PAPPA2: variants seen among roughly 807,000 people sequenced by gnomAD.
PAPPA2 encodes pappalysin-2.
PAPPA2 carries 86 observed loss-of-function variants against 176.4 expected under a neutral mutation model. The observed-to-expected ratio is 0.49, with a 90% CI of 0.41 to 0.58. The LOEUF is 0.58. PAPPA2 is among the 20% of genes least tolerant of loss of function. The pLI is 0.00. For missense variants in PAPPA2, 2,073 were observed against 2,256.9 expected (o/e 0.92, Z 1.65); for synonymous variants, 809 against 852.2 (o/e 0.95, Z 0.88).
intron 1 of PAPPA2, among the ~76,000 whole-genome samples, chr1:176,551,823 G>A (rs529975705): frequency 4.6e-5 from 7 of 152,124 alleles, no homozygotes; most frequent in Non-Finnish European, 8.8e-5. Context: ...GTTTCTTTAG[G>A]GGGGTGGGTG....
At chr1:176,589,169 A>G (rs1037141840) in intron 2 of PAPPA2, among the ~76,000 whole-genome samples, 3 of 152,166 alleles carry the variant, frequency 2.0e-5, no homozygotes, top group African/African-American at 7.2e-5. Context: ...AACTCTATCT[A>G]TAGTGTTCAC....
intron 21 of PAPPA2, among the ~76,000 whole-genome samples, chr1:176,821,732 G>A (rs1666674410): frequency 6.6e-6 from 1 of 152,210 alleles, no homozygotes; most frequent in Non-Finnish European, 1.5e-5. Flanking sequence ...ATACATTTAT[G>A]TTCCACTAGT....
intron 3 of PAPPA2, among the ~76,000 whole-genome samples, chr1:176,661,755 C>T (rs1658372898): frequency 1.3e-5 from 2 of 151,962 alleles, no homozygotes; most frequent in Non-Finnish European, 1.5e-5. Flanking sequence ...TCCCTGGGTG[C>T]AAAGGAGCTG....
intron 12 of PAPPA2, among the ~76,000 whole-genome samples, chr1:176,718,623 G>A (rs572801072): frequency 1.9e-4 from 29 of 150,052 alleles, no homozygotes; most frequent in African/African-American, 7.1e-4. Flanking sequence ...TGTTTTCATT[G>A]TGATTTCTTT....
At chr1:176,535,156 C>G (rs566309509) in intron 1 of PAPPA2, among the ~76,000 whole-genome samples, 1 of 152,054 alleles carries the variant, frequency 6.6e-6, no homozygotes, top group Admixed American at 6.6e-5. Flanking sequence ...ATAAAATGTG[C>G]GAAAAAAGTG....
intron 4 of PAPPA2, among the ~76,000 whole-genome samples, chr1:176,688,295 T>C (rs1419566393): frequency 6.6e-6 from 1 of 152,184 alleles, no homozygotes; most frequent in Non-Finnish European, 1.5e-5. Flanking sequence ...TAGAATTATA[T>C]CCACTGATGT....
chr1:176,472,166 A>G (rs1651907420), intron 1 of PAPPA2, among the ~76,000 whole-genome samples: 1 of 152,206 alleles, frequency 6.6e-6, no homozygotes, highest in Non-Finnish European at 1.5e-5. Flanking sequence ...ATCAGTGTTA[A>G]CAATTCATAT....
At position 176,707,922 on chromosome 1, in the gene PAPPA2, C is replaced by T. The variant is rs189266365; in HGVS notation, c.3457+1472C>T. On this transcript the variant is annotated intron_variant, in intron 10 of 22. Coordinates refer to ENST00000367662, the MANE Select transcript of PAPPA2 (RefSeq NM_020318.3). Reference sequence around the variant, plus strand: ...TTTCCAGACCCTTTCTTATTTACCCCAAACTGTCATGCTTCATGTGGTCAG... The same window carrying T: ...TTTCCAGACCCTTTCTTATTTACCCTAAACTGTCATGCTTCATGTGGTCAG... Among the ~76,000 whole-genome samples the T allele has an allele frequency of 5.3e-4, 81 of 152,246 alleles. No homozygotes were observed. In the Middle Eastern group the frequency reaches 0.02, roughly 38 times the overall value.
chr1:176,842,561 G>T lies in PAPPA2; in HGVS notation c.*107G>T. The T allele has an allele frequency of 9.8e-7, 1 of 1,015,278 alleles. No homozygotes were observed. Among genetic ancestry groups the T allele is most frequent in the Non-Finnish European group, 1.5e-6 (1 of 667,866 alleles). 62.9% of individuals were successfully genotyped at this position (1,015,278 alleles called of 1,614,324 possible). A position where few individuals can be genotyped will look rare whatever the true frequency, so the allele number is the denominator to read the frequency against. ...GAAGAAGAACAATCATGAAATGGAAGAAGGAGGAAGAGCATGAAGGATCTT... is the reference window on the plus strand; with the variant it reads ...GAAGAAGAACAATCATGAAATGGAATAAGGAGGAAGAGCATGAAGGATCTT... On this transcript the variant is annotated 3_prime_UTR_variant, in exon 23 of 23. Coordinates refer to ENST00000367662, the MANE Select transcript of PAPPA2 (RefSeq NM_020318.3).
At chr1:176,565,290 G>A (rs1338029272) in intron 2 of PAPPA2, among the ~76,000 whole-genome samples, 1 of 152,062 alleles carries the variant, frequency 6.6e-6, no homozygotes, top group Non-Finnish European at 1.5e-5. Context: ...TGGGTCATAT[G>A]GTTGCTATAT....
intron 20 of PAPPA2, among the ~76,000 whole-genome samples, 190 bp downstream of exon 20, chr1:176,793,859 G>C (rs775301812): frequency 1.3e-5 from 2 of 152,120 alleles, no homozygotes; most frequent in Non-Finnish European, 2.9e-5. Context: ...AAAGATATCC[G>C]CCGAGGTGGG....
intron 12 of PAPPA2, among the ~76,000 whole-genome samples, chr1:176,733,841 C>T (rs1247646020): frequency 6.6e-6 from 1 of 152,068 alleles, no homozygotes; most frequent in Non-Finnish European, 1.5e-5. Context: ...TAGCATTGAA[C>T]AGACAAAGGA....
At chr1:176,680,783 C>T (rs758417367) in intron 4 of PAPPA2, among the ~76,000 whole-genome samples, 71 of 152,036 alleles carry the variant, frequency 4.7e-4, no homozygotes, top group African/African-American at 1.6e-3. Context: ...AAATGTGGCT[C>T]CCCCAACCCC....
intron 1 of PAPPA2, among the ~76,000 whole-genome samples, chr1:176,479,509 G>C (rs1010195529): frequency 5.3e-5 from 8 of 152,204 alleles, no homozygotes; most frequent in African/African-American, 1.9e-4. Flanking sequence ...TTAGAGGACT[G>C]CCTTGGGAAG....
At chr1:176,623,740 CT>C (rs1655814244) in intron 3 of PAPPA2, among the ~76,000 whole-genome samples, 2 of 92,298 alleles carry the variant, frequency 2.2e-5, no homozygotes, top group African/African-American at 9.1e-5. Flanking sequence ...TTCTTTCTTT[CT>C]CTCTCTTTCC....
At chr1:176,780,806 G>T (rs775337482) in intron 17 of PAPPA2, among the ~76,000 whole-genome samples, 2 of 151,980 alleles carry the variant, frequency 1.3e-5, no homozygotes, top group Admixed American at 6.6e-5. Context: ...AAAGAAAGAG[G>T]TTCCTATTAA....
At chr1:176,712,936 C>G (rs551681398) in intron 12 of PAPPA2, among the ~76,000 whole-genome samples, 3 of 152,234 alleles carry the variant, frequency 2.0e-5, no homozygotes, top group Non-Finnish European at 2.9e-5. Flanking sequence ...GATTGGGAGG[C>G]TTTCATATGT....
At chr1:176,631,570 A>G (rs1231924162) in intron 3 of PAPPA2, among the ~76,000 whole-genome samples, 1 of 152,218 alleles carries the variant, frequency 6.6e-6, no homozygotes, top group African/African-American at 2.4e-5. Flanking sequence ...CAAAAAGAGT[A>G]TGGGTAAAAT....
chr1:176,697,538 A>G (rs1237540697), intron 7 of PAPPA2, among the ~76,000 whole-genome samples: 1 of 152,220 alleles, frequency 6.6e-6, no homozygotes, highest in Non-Finnish European at 1.5e-5. Context: ...AAACACATGT[A>G]TTTATAAATA....
Sources: allele counts gnomAD v4.1 joint callset (sites outside exome capture counted in the v4.1 genomes callset), GRCh38; gene constraint gnomAD v4.1.1; transcripts MANE v1.5; gene names NCBI Gene and HGNC (gene_info 2026-07-23, HGNC 2026-07-21).